WDR11: variants seen among roughly 807,000 people sequenced by gnomAD.
WDR11 encodes WD repeat domain 11.
Under a neutral mutation model 151.2 loss-of-function variants are expected in WDR11, and 83 were observed. That is an observed-to-expected ratio of 0.55 (90% CI 0.46 to 0.66). The LOEUF is 0.66. WDR11 is among the 30% of genes least tolerant of loss of function. The probability of loss-of-function intolerance (pLI) is 0.00; values close to 1 mark genes in which losing one functional copy is unlikely to be tolerated. For synonymous variants in WDR11, 484 were observed against 533.1 expected (o/e 0.91, Z 1.27); for missense variants, 1,301 against 1,480.9 (o/e 0.88, Z 1.99).
rs556841707 is a variant in WDR11, at chr10:120,908,902, G to A, written c.*189G>A. The A allele has an allele frequency of 2.8e-5, 18 of 636,380 alleles. No homozygotes were observed. Among genetic ancestry groups the A allele is most frequent in the South Asian group, 3.7e-5 (2 of 54,076 alleles). 39.4% of individuals were successfully genotyped at this position (636,380 alleles called of 1,614,324 possible). A position where few individuals can be genotyped will look rare whatever the true frequency, so the allele number is the denominator to read the frequency against. On this transcript the variant is annotated 3_prime_UTR_variant, in exon 29 of 29. Transcript: ENST00000263461. ...TGTTGAGAGTAAGTTTGTATCCTGC[G>A]TTGGTCTCAGAAAGAACGTGAATGC...
intron 11 of WDR11, among the ~76,000 whole-genome samples, chr10:120,877,412 A>C (rs1468439451): frequency 1.3e-5 from 2 of 152,180 alleles, no homozygotes; most frequent in African/African-American, 4.8e-5. Flanking sequence ...GTTTCAGTTA[A>C]TGCAATTTTA....
chr10:120,904,600 T>G, intron 24 of WDR11, 46 bp from the exon 25 acceptor site: 1 of 1,611,084 alleles, frequency 6.2e-7, no homozygotes, highest in Non-Finnish European at 8.5e-7. Context: ...AAAGTTATGT[T>G]GGAGGAAAAT....
chr10:120,901,254 G>A (rs546334650), intron 21 of WDR11, among the ~76,000 whole-genome samples, 156 bp downstream of exon 21: 7 of 152,218 alleles, frequency 4.6e-5, no homozygotes, highest in Non-Finnish European at 1.0e-4. Context: ...TCCCGTTAGA[G>A]TCTGTGTTTT....
In WDR11 at chr10:120,909,425, C is replaced by A. The variant is rs1433876824; in HGVS notation, c.*712C>A. On this transcript the variant is annotated 3_prime_UTR_variant, in exon 29 of 29. Transcript: ENST00000263461. Reference sequence around the variant, plus strand: ...TTTGTACTTTAATGTTCTCTCTGTTCTAATAGTTGAAGTATGAGATGTAAC... The same window carrying A: ...TTTGTACTTTAATGTTCTCTCTGTTATAATAGTTGAAGTATGAGATGTAAC... 6.5e-6 allele frequency: 1 copy of A among 152,744 alleles called. No homozygotes were observed. Among genetic ancestry groups the A allele is most frequent in the Non-Finnish European group, 1.5e-5 (1 of 68,178 alleles). 9.5% of individuals were successfully genotyped at this position (152,744 alleles called of 1,614,324 possible).
Position 120,878,338 on chromosome 10 carries a change from CA to C in WDR11, c.1557-14del. 1 of 1,565,300 alleles carries C rather than the reference CA, an allele frequency of 6.4e-7. No homozygotes were observed. The highest frequency in any genetic ancestry group is 8.8e-7 in the Non-Finnish European group (1 of 1,137,248). On this transcript the variant is annotated splice_polypyrimidine_tract_variant and intron_variant, in intron 11 of 28. Coordinates refer to ENST00000263461, the MANE Select transcript of WDR11 (RefSeq NM_018117.12). ...AAGAGAATTAGTTTAACCTTTATCT[CA>C]TTTCCTATTATAGGGGTATTGAATG...
chr10:120,866,551 A>T lies in WDR11; in HGVS notation c.995-18A>T, dbSNP rs1170788945. ...CGATATGGCTGCTTTCTGATATTTA[A>T]AACAATTTTATGTGAAGATCCAGAT... On this transcript the variant is annotated intron_variant, in intron 7 of 28. Coordinates refer to ENST00000263461, the MANE Select transcript of WDR11 (RefSeq NM_018117.12). The T allele has an allele frequency of 1.2e-6, 2 of 1,614,102 alleles. No individual in the cohort carries two copies. The highest frequency in any genetic ancestry group is 1.3e-5 in the African/African-American group (1 of 75,022).
chr10:120,890,064 T>C, intron 18 of WDR11, 55 bp downstream of exon 18: 1 of 1,292,208 alleles, frequency 7.7e-7, no homozygotes, highest in Admixed American at 1.8e-5. Flanking sequence ...ATAGGAACTG[T>C]GCTTTGTTAA....
chr10:120,889,536 G>A (rs1214396985), intron 17 of WDR11: 12 of 395,998 alleles, frequency 3.0e-5, no homozygotes, highest in Non-Finnish European at 5.2e-5. Context: ...CAGCACACCC[G>A]GCCAAAAAAT....
chr10:120,886,862 C>A (rs778408717), intron 16 of WDR11, 26 bp downstream of exon 16: 16 of 1,613,454 alleles, frequency 9.9e-6, no homozygotes, highest in Non-Finnish European at 1.4e-5. Flanking sequence ...ATTAAATCTT[C>A]ATCAAGAAGA....
chr10:120,873,551 T>C (rs1846623392), intron 10 of WDR11, among the ~76,000 whole-genome samples: 1 of 152,210 alleles, frequency 6.6e-6, no homozygotes, highest in Non-Finnish European at 1.5e-5. Context: ...AGGAAAGTGT[T>C]TCTTCAAATT....
At chr10:120,871,037 C>A in intron 9 of WDR11, 133 bp from the exon 10 acceptor site, 1 of 887,140 alleles carries the variant, frequency 1.1e-6, no homozygotes, top group African/African-American at 1.7e-5. Context: ...TTAATAACTA[C>A]AGCCACTAAA....
At chr10:120,859,699 T>C (rs1235114116) in intron 3 of WDR11, among the ~76,000 whole-genome samples, 1 of 152,216 alleles carries the variant, frequency 6.6e-6, no homozygotes, top group Non-Finnish European at 1.5e-5. Context: ...TTGCATATTC[T>C]GTTTATTTTT....
Position 120,865,143 on chromosome 10 carries a change from C to A in WDR11, c.810C>A (p.Ile270=). Residue 270 remains isoleucine, a synonymous_variant, in exon 6 of 29, where the codon ATC becomes ATA. Transcript: ENST00000263461. Reference sequence around the variant, plus strand: ...TGCTCTATCCTCGAGAGATTTTAATCCTTGACCTTGAGGTGAATCAGACGG... The same window carrying A: ...TGCTCTATCCTCGAGAGATTTTAATACTTGACCTTGAGGTGAATCAGACGG... The part of the protein sequence containing the change: ...MLLLYPREIL[I]LDLEVNQTVG... 1 of 1,613,868 alleles carries A rather than the reference C, an allele frequency of 6.2e-7. No homozygotes were observed. The highest frequency in any genetic ancestry group is 8.5e-7 in the Non-Finnish European group (1 of 1,179,826).
intron 28 of WDR11, chr10:120,908,302 G>A: frequency 2.0e-6 from 1 of 491,006 alleles, no homozygotes; most frequent in Non-Finnish European, 3.7e-6. Flanking sequence ...TGGGTCTTCT[G>A]GAAGGAGAAG....
chr10:120,873,824 A>T lies in WDR11; in HGVS notation c.1472-15A>T, dbSNP rs768702344. On this transcript the variant is annotated splice_polypyrimidine_tract_variant and intron_variant, in intron 10 of 28. Transcript: ENST00000263461. ...CCCACTGAATTAATGCTCTTCCATGATGTCATTTTGAAAGGTACAAGTAAT... is the reference window on the plus strand; with the variant it reads ...CCCACTGAATTAATGCTCTTCCATGTTGTCATTTTGAAAGGTACAAGTAAT... The T allele has an allele frequency of 2.5e-6, 4 of 1,584,182 alleles. No individual in the cohort carries two copies. Among genetic ancestry groups the T allele is most frequent in the Non-Finnish European group, 3.5e-6 (4 of 1,152,816 alleles).
intron 25 of WDR11, 104 bp from the exon 26 acceptor site, chr10:120,905,215 A>G: frequency 9.2e-7 from 1 of 1,092,510 alleles, no homozygotes; most frequent in Non-Finnish European, 1.4e-6. Flanking sequence ...AGTAGGTATA[A>G]AATGGGCACG....
rs1554854849 is a variant in WDR11 at position 120,874,189 on chromosome 10, T to TTTG, written c.1556+268_1556+269insGTT. On this transcript the variant is annotated intron_variant, in intron 11 of 28. Transcript: ENST00000263461. Reference sequence around the variant, plus strand: ...GCGGTTTTTGCAGTTTTTTTTTTTTTTTTGTTGTTGTTGTTGTTGTTTGTT... The same window carrying TTTG: ...GCGGTTTTTGCAGTTTTTTTTTTTTTTTGTTTGTTGTTGTTGTTGTTGTTTGTT... 8.9e-5 allele frequency among the ~76,000 whole-genome samples: 9 copies of TTTG among 101,142 alleles called. 1 individual carries two copies. Among genetic ancestry groups the TTTG allele is most frequent in the African/African-American group, 2.9e-4 (8 of 27,766 alleles). The allele number at this position is 101,142 out of a possible 152,430, so 66.4% of individuals were successfully genotyped here.
At chr10:120,896,087 G>C (rs1590109083) in intron 19 of WDR11, among the ~76,000 whole-genome samples, 1 of 152,342 alleles carries the variant, frequency 6.6e-6, no homozygotes, top group South Asian at 2.1e-4. Flanking sequence ...TAAATCTGGG[G>C]ACATCTGCAG....
chr10:120,851,552 G>T (rs774742632), intron 1 of WDR11, 46 bp downstream of exon 1: 2 of 1,589,114 alleles, frequency 1.3e-6, no homozygotes, highest in Non-Finnish European at 1.7e-6. Flanking sequence ...CCAGGAATGT[G>T]TGAGGGGGAA....
Sources: allele counts gnomAD v4.1 joint callset (sites outside exome capture counted in the v4.1 genomes callset), GRCh38; gene constraint gnomAD v4.1.1; transcripts MANE v1.5; gene names NCBI Gene and HGNC (gene_info 2026-07-23, HGNC 2026-07-21).